Variants in CTNNA2 observed in about 807,000 individuals in gnomAD.
CTNNA2 encodes the protein catenin alpha-2.
CTNNA2 carries 42 observed loss-of-function variants against 101.0 expected under a neutral mutation model. The observed-to-expected ratio is 0.42, with a 90% CI of 0.32 to 0.54. CTNNA2 has a LOEUF of 0.54. Among genes scored for constraint, CTNNA2 ranks in the 20% least tolerant of loss-of-function variants. CTNNA2 has a pLI of 0.14. For synonymous variants in CTNNA2, 450 were observed against 456.4 expected (o/e 0.99, Z 0.18); for missense variants, 871 against 1,223.1 (o/e 0.71, Z 4.29).
intron 7 of CTNNA2, chr2:80,162,822 T>C: frequency 6.3e-7 from 1 of 1,598,424 alleles, no homozygotes; most frequent in South Asian, 1.1e-5. Context: ...TGCTTGTCTC[T>C]GAAAATTTTC....
chr2:79,278,434 G>A (rs780655669), intron 2 of CTNNA2, among the ~76,000 whole-genome samples: 20 of 151,990 alleles, frequency 1.3e-4, no homozygotes, highest in Non-Finnish European at 2.9e-5. Flanking sequence ...TTATTGTATT[G>A]TAGGGACAGC....
intron 9 of CTNNA2, among the ~76,000 whole-genome samples, chr2:80,521,682 G>A (rs6750107): frequency 0.37 from 56,129 of 151,858 alleles, 10,671 homozygotes; most frequent in South Asian, 0.4. Flanking sequence ...TCTAGGAGTG[G>A]GAGAAGACAA....
intron 7 of CTNNA2, among the ~76,000 whole-genome samples, chr2:80,357,863 G>A (rs753200894): frequency 2.0e-5 from 3 of 151,912 alleles, no homozygotes; most frequent in Non-Finnish European, 4.4e-5. Flanking sequence ...GCTAAGAGAA[G>A]CCATCTCTAA....
At chr2:80,644,289 C>G (rs746260484) in intron 18 of CTNNA2, among the ~76,000 whole-genome samples, 2 of 152,244 alleles carry the variant, frequency 1.3e-5, no homozygotes, top group Middle Eastern at 6.8e-3. Context: ...ATTAAAAGGA[C>G]TCAATGTCAG....
intron 2 of CTNNA2, among the ~76,000 whole-genome samples, chr2:79,733,222 T>G (rs974247955): frequency 6.6e-6 from 1 of 152,142 alleles, no homozygotes; most frequent in Non-Finnish European, 1.5e-5. Context: ...TCATAATTGC[T>G]TATACCATCA....
chr2:80,040,590 C>T (rs1031250819), intron 7 of CTNNA2, among the ~76,000 whole-genome samples: 1 of 152,142 alleles, frequency 6.6e-6, no homozygotes, highest in African/African-American at 2.4e-5. Flanking sequence ...GGTACTTCAT[C>T]TGTTAAAATA....
chr2:80,036,487 C>T (rs922664173), intron 7 of CTNNA2, among the ~76,000 whole-genome samples: 1 of 152,132 alleles, frequency 6.6e-6, no homozygotes, highest in Middle Eastern at 3.4e-3. Flanking sequence ...TGCCTGTAGT[C>T]CCAGCTACTT....
At chr2:79,416,257 CTTTTTT>C (rs66830925) in intron 4 of CTNNA2, among the ~76,000 whole-genome samples, 2 of 94,654 alleles carry the variant, frequency 2.1e-5, no homozygotes, top group East Asian at 3.0e-4. Context: ...CTTTCCTTTT[CTTTTTT>C]TTTTTTTTTT....
chr2:79,845,065 G>GTA (rs1287966296), intron 3 of CTNNA2, among the ~76,000 whole-genome samples: 1 of 149,760 alleles, frequency 6.7e-6, no homozygotes, highest in Non-Finnish European at 1.5e-5. Flanking sequence ...GTGTGTGTGT[G>GTA]TGTATATATA....
At chr2:79,318,137 C>T (rs576193984) in intron 3 of CTNNA2, among the ~76,000 whole-genome samples, 6 of 151,972 alleles carry the variant, frequency 3.9e-5, no homozygotes, top group African/African-American at 1.2e-4. Flanking sequence ...ATAAATACTT[C>T]GATTGTATTG....
intron 7 of CTNNA2, among the ~76,000 whole-genome samples, chr2:80,290,296 C>G (rs527408141): frequency 6.6e-6 from 1 of 152,260 alleles, no homozygotes; most frequent in African/African-American, 2.4e-5. Flanking sequence ...GCAGAAGGAG[C>G]TGATAAGACA....
chr2:79,975,873 T>C (rs1690803723), intron 7 of CTNNA2, among the ~76,000 whole-genome samples: 1 of 152,218 alleles, frequency 6.6e-6, no homozygotes. Context: ...TGTTAGGTTT[T>C]ACTGGGAACT....
chr2:80,639,513 ATG>A lies in CTNNA2; in HGVS notation c.2575-8046_2575-8045del, dbSNP rs112045877. On this transcript the variant is annotated intron_variant, in intron 18 of 18. Transcript: ENST00000402739. ...GCATGAACCACCATGCCCAGCCTTG[ATG>A]TGTGTGTGTGTGTGTGTGTGTGTGT... Among the ~76,000 whole-genome samples, 1,434 of 147,458 alleles carry A rather than the reference ATG, an allele frequency of 9.7e-3. 24 individuals carry two copies. The highest frequency in any genetic ancestry group is 0.031 in the African/African-American group (1,256 of 40,158).
In CTNNA2 at chr2:79,906,244, TACAC is replaced by T. The variant is rs138801309; in HGVS notation, c.853-3344_853-3341del. Among the ~76,000 whole-genome samples, 535 of 151,550 alleles carry T rather than the reference TACAC, an allele frequency of 3.5e-3. 4 individuals are homozygous for T. Among genetic ancestry groups the T allele is most frequent in the African/African-American group, 0.012 (496 of 41,318 alleles). ...GCACATATCTTGCCCCATACACACA[TACAC>T]ACACAGCTCCACATACACACAACCA... On this transcript the variant is annotated intron_variant, in intron 6 of 18. Coordinates refer to ENST00000402739, the MANE Select transcript of CTNNA2 (RefSeq NM_001282597.3).
chr2:79,623,441 G>GT (rs1203092936), intron 1 of CTNNA2, among the ~76,000 whole-genome samples: 2 of 152,160 alleles, frequency 1.3e-5, no homozygotes, highest in African/African-American at 4.8e-5. Context: ...CTAGACTCTT[G>GT]TAAGAGTCTC....
chr2:80,383,306 A>G (rs1676685148), intron 7 of CTNNA2, among the ~76,000 whole-genome samples: 1 of 152,154 alleles, frequency 6.6e-6, no homozygotes, highest in African/African-American at 2.4e-5. Flanking sequence ...CAAATCATCT[A>G]TCCCTTTCAT....
rs371738558 is a variant in CTNNA2 at position 79,785,136 on chromosome 2, A to G, written c.298+40554A>G. 5.3e-5 allele frequency among the ~76,000 whole-genome samples: 8 copies of G among 152,210 alleles called. No homozygotes were observed. In the East Asian group the frequency reaches 9.7e-4, roughly 18 times the overall value. On this transcript the variant is annotated intron_variant, in intron 3 of 18. Coordinates refer to ENST00000402739, the MANE Select transcript of CTNNA2 (RefSeq NM_001282597.3). Reference sequence around the variant, plus strand: ...CTCTTTCTGCCACCATGCTCTCCTCAGTGTGTAGCCAGAGTGATCTTCTAA... The same window carrying G: ...CTCTTTCTGCCACCATGCTCTCCTCGGTGTGTAGCCAGAGTGATCTTCTAA...
chr2:79,189,635 T>C (rs561897839), intron 1 of CTNNA2, among the ~76,000 whole-genome samples: 9 of 152,330 alleles, frequency 5.9e-5, no homozygotes, highest in African/African-American at 2.2e-4. Flanking sequence ...ACAGACCATC[T>C]GTGTTTGGTA....
chr2:80,559,878 T>TATCTATCTATATATATATA (rs1693393440), intron 12 of CTNNA2, among the ~76,000 whole-genome samples: 3 of 113,936 alleles, frequency 2.6e-5, no homozygotes, highest in African/African-American at 9.1e-5. Context: ...GATATCATAT[T>TATCTATCTATATATATATA]TATATATATA....
Sources: allele counts gnomAD v4.1 joint callset (sites outside exome capture counted in the v4.1 genomes callset), GRCh38; gene constraint gnomAD v4.1.1; transcripts MANE v1.5; gene names NCBI Gene and HGNC (gene_info 2026-07-23, HGNC 2026-07-21).